SCLT1: variants seen among roughly 807,000 people sequenced by gnomAD.
SCLT1 encodes sodium channel-associated protein 1.
In SCLT1, 78 loss-of-function variants were observed where a neutral mutation model predicts 112.8. The ratio of observed to expected loss-of-function variants is 0.69; its 90% CI spans 0.58 to 0.83. The LOEUF is 0.83. Among genes scored for constraint, SCLT1 ranks in the 40% least tolerant of loss-of-function variants. SCLT1 has a pLI of 0.00. For synonymous variants in SCLT1, 257 were observed against 254.7 expected (o/e 1.01, Z -0.09); for missense variants, 747 against 770.4 (o/e 0.97, Z 0.36).
chr4:129,027,903 T>C lies in SCLT1; in HGVS notation c.290+11138A>G, dbSNP rs575152042. On this transcript the variant is annotated intron_variant, in intron 5 of 20. Transcript: ENST00000281142. ...AATAACAGACAAACAGAGAGCCAAA[T>C]CATGAGTGAACTCCCATTCACAATT... Among the ~76,000 whole-genome samples the C allele has an allele frequency of 4.6e-5, 7 of 152,196 alleles. No individual in the cohort carries two copies. The East Asian group carries it at 9.6e-4, about 21-fold the overall frequency.
chr4:129,073,372 G>A (rs908405871), intron 2 of SCLT1, among the ~76,000 whole-genome samples: 1 of 152,054 alleles, frequency 6.6e-6, no homozygotes, highest in Non-Finnish European at 1.5e-5. Context: ...AAAGCTACTT[G>A]GGATGACTGA....
chr4:129,064,546 A>G (rs1045007474), intron 2 of SCLT1, among the ~76,000 whole-genome samples: 1 of 152,146 alleles, frequency 6.6e-6, no homozygotes, highest in Non-Finnish European at 1.5e-5. Context: ...CCTTCTTTCT[A>G]GCTTTCAGCA....
chr4:128,982,330 G>C (rs1741730226), intron 9 of SCLT1, among the ~76,000 whole-genome samples: 1 of 152,130 alleles, frequency 6.6e-6, no homozygotes, highest in Non-Finnish European at 1.5e-5. Context: ...AAACAACTTT[G>C]AGGCTATCAC....
intron 9 of SCLT1, among the ~76,000 whole-genome samples, chr4:128,977,703 G>T (rs543175928): frequency 6.6e-6 from 1 of 152,074 alleles, no homozygotes; most frequent in Non-Finnish European, 1.5e-5. Context: ...GAAAGACAAA[G>T]AAATGACAAT....
At chr4:129,039,900 G>GCA (rs36041794) in intron 4 of SCLT1, 3,343 of 218,878 alleles carry the variant, frequency 0.015, 24 homozygotes, top group African/African-American at 0.022. Context: ...GTGCGCGCGC[G>GCA]CACACACACA....
rs962391719 is a variant in SCLT1 at position 128,936,797 on chromosome 4, A to G, written c.1687T>C (p.Leu563=). 6 of 1,606,296 alleles carry G rather than the reference A, an allele frequency of 3.7e-6. No individual in the cohort carries two copies. Among genetic ancestry groups the G allele is most frequent in the Admixed American group, 3.4e-5 (2 of 59,466 alleles). Residue 563 remains leucine, a synonymous_variant, in exon 18 of 21, where the codon TTG becomes CTG. Coordinates refer to ENST00000281142, the MANE Select transcript of SCLT1 (RefSeq NM_144643.4). Reference sequence around the variant, plus strand: ...CTATTACTGTCTTCCATCTCTCTCAATTGAACTTCAAATCCACGTTCCTTT... The same window carrying G: ...CTATTACTGTCTTCCATCTCTCTCAGTTGAACTTCAAATCCACGTTCCTTT... ...SIKERGFEVQ[L]REMEDSNRNS...
At chr4:129,058,527 T>C (rs1472231198) in intron 2 of SCLT1, among the ~76,000 whole-genome samples, 1 of 152,218 alleles carries the variant, frequency 6.6e-6, no homozygotes, top group Non-Finnish European at 1.5e-5. Flanking sequence ...GTTTCTAATG[T>C]TCCTCTTGTT....
chr4:128,888,694 A>G lies in SCLT1; in HGVS notation c.1989T>C (p.Ala663=), dbSNP rs1733080005. Residue 663 remains alanine (A), a synonymous_variant, in exon 20 of 21, where the codon GCT becomes GCC. Coordinates refer to ENST00000281142, the MANE Select transcript of SCLT1 (RefSeq NM_144643.4). The part of the protein sequence containing the change: ...RRLSQAEERA[A]SASQQLSVIT... ...TGCTCCCTACCTGCTGGGAAGCTGA[A>G]GCAGCTCTCTCTTCTGCCTGACTTA... 1 of 1,609,646 alleles carries G rather than the reference A, an allele frequency of 6.2e-7. No individual in the cohort carries two copies. Among genetic ancestry groups the G allele is most frequent in the South Asian group, 1.1e-5 (1 of 90,830 alleles).
At chr4:128,947,949 T>C (rs565923708) in intron 15 of SCLT1, among the ~76,000 whole-genome samples, 1 of 152,178 alleles carries the variant, frequency 6.6e-6, no homozygotes, top group South Asian at 2.1e-4. Context: ...TTTCGTAGGA[T>C]GAGGTTTAAG....
intron 18 of SCLT1, among the ~76,000 whole-genome samples, chr4:128,934,604 G>GT (rs1333125920): frequency 6.6e-6 from 1 of 151,688 alleles, no homozygotes; most frequent in Admixed American, 6.6e-5. Context: ...GGTATTTGAT[G>GT]TTTTTTGATG....
chr4:128,879,463 C>CTA (rs756369172), downstream of SCLT1, among the ~76,000 whole-genome samples: 1 of 152,122 alleles, frequency 6.6e-6, no homozygotes, highest in South Asian at 2.1e-4. Context: ...TCCTCAAACT[C>CTA]TAAAGATACA....
intron 2 of SCLT1, among the ~76,000 whole-genome samples, chr4:129,070,135 C>G (rs928284117): frequency 2.6e-5 from 4 of 152,058 alleles, no homozygotes; most frequent in Admixed American, 2.0e-4. Flanking sequence ...TATCTTCTCG[C>G]TACGTTGTTG....
At chr4:128,967,239 T>C (rs1740286057) in intron 10 of SCLT1, among the ~76,000 whole-genome samples, 1 of 152,254 alleles carries the variant, frequency 6.6e-6, no homozygotes, top group Non-Finnish European at 1.5e-5. Context: ...TACCACATTT[T>C]CTTTATCCAG....
At chr4:128,977,915 A>T (rs1741316334) in intron 9 of SCLT1, among the ~76,000 whole-genome samples, 1 of 152,154 alleles carries the variant, frequency 6.6e-6, no homozygotes, top group Admixed American at 6.5e-5. Context: ...ATAAGAGTGA[A>T]AGCAGGTAGA....
chr4:129,091,097 T>A (rs1359685557), intron 1 of SCLT1, among the ~76,000 whole-genome samples: 4 of 152,072 alleles, frequency 2.6e-5, no homozygotes, highest in African/African-American at 9.7e-5. Context: ...AGGCAAGTGA[T>A]CTATCTTTAT....
chr4:128,946,292 C>A, intron 15 of SCLT1, 140 bp from the exon 16 acceptor site: 1 of 450,044 alleles, frequency 2.2e-6, no homozygotes, highest in East Asian at 3.4e-5. Context: ...TGAAACATAT[C>A]AATAATTAAA....
intron 9 of SCLT1, among the ~76,000 whole-genome samples, chr4:128,983,568 T>A (rs549789850): frequency 6.6e-6 from 1 of 152,262 alleles, no homozygotes; most frequent in East Asian, 1.9e-4. Flanking sequence ...AAAAAGGAAG[T>A]TACCAAAAGT....
chr4:129,087,290 T>C (rs1752478328), intron 1 of SCLT1, among the ~76,000 whole-genome samples: 1 of 152,342 alleles, frequency 6.6e-6, no homozygotes, highest in East Asian at 1.9e-4. Flanking sequence ...ATTAAGTTTG[T>C]ATTTTAAAAC....
chr4:128,993,679 T>A (rs1742768456), intron 8 of SCLT1, among the ~76,000 whole-genome samples: 1 of 152,112 alleles, frequency 6.6e-6, no homozygotes, highest in Non-Finnish European at 1.5e-5. Flanking sequence ...AGCATCCTTT[T>A]CAACCATCAT....
Sources: gnomAD v4.1 joint callset for allele counts (sites outside exome capture counted in the v4.1 genomes callset) on GRCh38, gnomAD v4.1.1 for gene constraint, MANE v1.5 for transcripts, NCBI Gene and HGNC (gene_info 2026-07-23, HGNC 2026-07-21) for gene names.